Variants in TEAD4 observed in about 807,000 individuals in gnomAD.
The protein encoded by TEAD4 is transcriptional enhancer factor TEF-3.
In TEAD4, 36 loss-of-function variants were observed where a neutral mutation model predicts 52.4. The ratio of observed to expected loss-of-function variants is 0.69; its 90% CI spans 0.53 to 0.91. The LOEUF (loss-of-function observed/expected upper bound fraction) is 0.91. Ranked by LOEUF, TEAD4 falls within the 40% of genes least tolerant of loss-of-function variation. TEAD4 has a pLI of 0.00. For missense variants in TEAD4, 508 were observed against 583.9 expected, an observed-to-expected ratio of 0.87 and a Z score of 1.34; for synonymous variants, 220 against 231.0, an observed-to-expected ratio of 0.95 and a Z score of 0.43.
At chr12:3,034,273 C>A (rs1335879670) in intron 10 of TEAD4, among the ~76,000 whole-genome samples, 1 of 152,098 alleles carries the variant, frequency 6.6e-6, no homozygotes, top group Non-Finnish European at 1.5e-5. Context: ...GCAGAACTCT[C>A]AGGGTGAGCA....
chr12:3,020,187 G>C lies in TEAD4; in HGVS notation c.584-447G>C, dbSNP rs3782835. Among the ~76,000 whole-genome samples, 29 of 152,328 alleles carry C rather than the reference G, an allele frequency of 1.9e-4. 1 individual carries two copies. The East Asian group carries it at 4.8e-3, about 25-fold the overall frequency. Reference sequence around the variant, plus strand: ...CTGGGCCAGGCCCTGTTCTGGGAGCGGGGGAGACACATGTGATGCAAACAG... The same window carrying C: ...CTGGGCCAGGCCCTGTTCTGGGAGCCGGGGAGACACATGTGATGCAAACAG... On this transcript the variant is annotated intron_variant, in intron 8 of 12. Coordinates refer to ENST00000359864, the MANE Select transcript of TEAD4 (RefSeq NM_003213.4).
Position 2,968,483 on chromosome 12 carries a change from A to G in TEAD4, c.-30+8443A>G, listed in dbSNP as rs1253982906. On this transcript the variant is annotated intron_variant, in intron 2 of 12. Transcript: ENST00000359864. ...TGCAATCACAGCTCACTGTGGCCTC[A>G]ACCTCCCGCGCCCAAGTGATCCTCC... Among the ~76,000 whole-genome samples, 10 of 136,364 alleles carry G rather than the reference A, an allele frequency of 7.3e-5. No individual in the cohort carries two copies. In the East Asian group the frequency reaches 2.2e-3, roughly 30 times the overall value. The allele number at this position is 136,364 out of a possible 152,430, so 89.5% of individuals were successfully genotyped here. A position where few individuals can be genotyped will look rare whatever the true frequency, so the allele number is the denominator to read the frequency against.
chr12:2,963,464 C>G (rs530570815), intron 2 of TEAD4, among the ~76,000 whole-genome samples: 5 of 152,262 alleles, frequency 3.3e-5, no homozygotes, highest in African/African-American at 1.2e-4. Context: ...GACGACAGCT[C>G]CCTTTAAAGC....
chr12:2,995,667 G>A (rs1001760764), intron 3 of TEAD4, among the ~76,000 whole-genome samples: 4 of 152,096 alleles, frequency 2.6e-5, no homozygotes, highest in African/African-American at 9.7e-5. Flanking sequence ...CAGTTGGCAT[G>A]GGGCCACGAT....
At chr12:3,012,420 G>A (rs2098261058) in intron 5 of TEAD4, among the ~76,000 whole-genome samples, 188 bp downstream of exon 5, 1 of 152,160 alleles carries the variant, frequency 6.6e-6, no homozygotes, top group African/African-American at 2.4e-5. Context: ...TGGATGCCTG[G>A]CTCCCCACAC....
chr12:2,959,815 C>T lies in TEAD4; in HGVS notation c.-122-133C>T, dbSNP rs1391929080. ...AAAACTCCTCCCTCCGCGCGCTCCG[C>T]TCCGCTCCGCTGGGCGCACCGGGGC... is the stretch of plus-strand genomic sequence containing the variant. On this transcript the variant is annotated intron_variant, in intron 1 of 12. Transcript: ENST00000359864. The surrounding 1 kb of genome is among the most constrained non-coding windows in gnomAD (Gnocchi z 5.1). 2.0e-5 allele frequency: 3 copies of T among 151,420 alleles called. No individual in the cohort carries two copies. The highest frequency in any genetic ancestry group is 4.4e-5 in the Non-Finnish European group (3 of 67,880). The allele number at this position is 151,420 out of a possible 1,614,324, so 9.4% of individuals were successfully genotyped here. A position where few individuals can be genotyped will look rare whatever the true frequency, so the allele number is the denominator to read the frequency against.
intron 3 of TEAD4, among the ~76,000 whole-genome samples, chr12:3,005,300 T>TTG (rs1555125196): frequency 2.0e-5 from 3 of 151,632 alleles, no homozygotes; most frequent in Non-Finnish European, 4.4e-5. Flanking sequence ...TGTTTTTCCG[T>TTG]TTTGTTTGTT....
chr12:3,019,338 C>T (rs894261526), intron 8 of TEAD4, among the ~76,000 whole-genome samples, 168 bp downstream of exon 8: 9 of 152,342 alleles, frequency 5.9e-5, no homozygotes, highest in African/African-American at 2.2e-4. Flanking sequence ...TTTCCCCCAG[C>T]ATGCACACCT....
At chr12:2,960,570 C>G (rs1383197039) in intron 2 of TEAD4, among the ~76,000 whole-genome samples, 1 of 152,114 alleles carries the variant, frequency 6.6e-6, no homozygotes, top group Non-Finnish European at 1.5e-5. Flanking sequence ...TGTGCTGAGT[C>G]TGTGTGACAC....
chr12:3,006,951 A>G (rs7968861), intron 3 of TEAD4, among the ~76,000 whole-genome samples: 147,201 of 152,176 alleles, frequency 0.97, 71,388 homozygotes, highest in East Asian at 1. Context: ...ACTGGAACCC[A>G]GGAGGTGGAG....
chr12:2,984,287 A>G (rs1409456302), intron 2 of TEAD4, among the ~76,000 whole-genome samples: 2 of 152,240 alleles, frequency 1.3e-5, no homozygotes, highest in African/African-American at 4.8e-5. Context: ...GAAAATTTTT[A>G]GGTAGCAGAA....
intron 9 of TEAD4, among the ~76,000 whole-genome samples, chr12:3,021,414 G>A (rs960276348): frequency 6.7e-6 from 1 of 150,316 alleles, no homozygotes; most frequent in Admixed American, 6.7e-5. Context: ...GAGTTCAAGC[G>A]ACTCTCCCGC....
At chr12:3,018,495 C>A in intron 6 of TEAD4, 50 bp from the exon 7 acceptor site, 9 of 1,611,880 alleles carry the variant, frequency 5.6e-6, no homozygotes, top group Non-Finnish European at 7.6e-6. Flanking sequence ...CACCACAGGG[C>A]CCCGGGTGCA....
At chr12:3,027,149 G>A (rs1349586288) in intron 10 of TEAD4, among the ~76,000 whole-genome samples, 1 of 151,942 alleles carries the variant, frequency 6.6e-6, no homozygotes, top group East Asian at 1.9e-4. Context: ...CCGCTACCAC[G>A]CTTGGCTAAT....
rs530505446 is a variant in TEAD4 at position 3,007,585 on chromosome 12, A to G, written c.227-3419A>G. Among the ~76,000 whole-genome samples, 5 of 152,234 alleles carry G rather than the reference A, an allele frequency of 3.3e-5. No individual in the cohort carries two copies. The South Asian group carries it at 1.0e-3, about 32-fold the overall frequency. On this transcript the variant is annotated intron_variant, in intron 3 of 12. Coordinates refer to ENST00000359864, the MANE Select transcript of TEAD4 (RefSeq NM_003213.4). ...AGTCCCTAAACTTAATTTTTGCTTC[A>G]TTGAAGTATAACTGACATTACAACA...
chr12:3,018,998 C>G, intron 7 of TEAD4, 117 bp from the exon 8 acceptor site: 1 of 1,308,330 alleles, frequency 7.6e-7, no homozygotes, highest in African/African-American at 1.4e-5. Flanking sequence ...CAAGGCCCAT[C>G]GGGACCACTG....
chr12:2,971,066 A>C (rs1031122451), intron 2 of TEAD4, among the ~76,000 whole-genome samples: 1 of 152,174 alleles, frequency 6.6e-6, no homozygotes, highest in Non-Finnish European at 1.5e-5. Context: ...CAGCCACAGC[A>C]CCCACGGTGT....
chr12:3,037,587 A>T (rs1565555199), intron 10 of TEAD4, among the ~76,000 whole-genome samples: 1 of 152,174 alleles, frequency 6.6e-6, no homozygotes, highest in African/African-American at 2.4e-5. Context: ...ACGCATTCAA[A>T]CTAAAATAGA....
intron 10 of TEAD4, among the ~76,000 whole-genome samples, chr12:3,033,639 C>A (rs947585868): frequency 1.3e-5 from 2 of 152,228 alleles, no homozygotes; most frequent in African/African-American, 4.8e-5. Context: ...CAGGCCCCCA[C>A]ACCCGGGCTG....
Sources: allele counts gnomAD v4.1 joint callset (sites outside exome capture counted in the v4.1 genomes callset), GRCh38; gene constraint gnomAD v4.1.1; non-coding constraint Gnocchi (gnomAD v3.1); transcripts MANE v1.5; gene names NCBI Gene and HGNC (gene_info 2026-07-23, HGNC 2026-07-21).